NKAIN2: variants seen among roughly 807,000 people sequenced by gnomAD.
NKAIN2 encodes the protein sodium/potassium-transporting ATPase subunit beta-1-interacting protein 2.
A neutral mutation model predicts 32.6 loss-of-function variants in NKAIN2; 14 were observed. That is an observed-to-expected ratio of 0.43 (90% CI 0.28 to 0.67). NKAIN2 has a LOEUF of 0.67. NKAIN2 is among the 30% of genes least tolerant of loss of function. The probability of loss-of-function intolerance (pLI) is 0.17; values close to 1 mark genes in which losing one functional copy is unlikely to be tolerated. For missense variants in NKAIN2, 198 were observed against 258.3 expected, an observed-to-expected ratio of 0.77 and a Z score of 1.60; for synonymous variants, 80 against 87.2, an observed-to-expected ratio of 0.92 and a Z score of 0.46.
At chr6:124,207,884 T>G (rs1269531707) in intron 1 of NKAIN2, among the ~76,000 whole-genome samples, 1 of 152,094 alleles carries the variant, frequency 6.6e-6, no homozygotes, top group South Asian at 2.1e-4. Flanking sequence ...AATTAAATAT[T>G]AATTTTGCTA....
intron 3 of NKAIN2, among the ~76,000 whole-genome samples, chr6:124,380,581 G>A (rs562935884): frequency 6.6e-6 from 1 of 152,246 alleles, no homozygotes; most frequent in South Asian, 2.1e-4. Context: ...CAGGATCTTT[G>A]GATCATTGTA....
At chr6:124,356,387 C>G (rs190673776) in intron 3 of NKAIN2, among the ~76,000 whole-genome samples, 1 of 152,214 alleles carries the variant, frequency 6.6e-6, no homozygotes, top group African/African-American at 2.4e-5. Context: ...TGATATGTGG[C>G]TTTATATCAA....
chr6:124,538,883 G>C (rs1319174815), intron 3 of NKAIN2, among the ~76,000 whole-genome samples: 2 of 151,908 alleles, frequency 1.3e-5, no homozygotes, highest in Non-Finnish European at 2.9e-5. Flanking sequence ...ATATGTAATT[G>C]CATATGTTCA....
chr6:124,792,522 T>C (rs942338101), intron 5 of NKAIN2, among the ~76,000 whole-genome samples: 1 of 152,172 alleles, frequency 6.6e-6, no homozygotes, highest in Non-Finnish European at 1.5e-5. Context: ...TTGGAGATTT[T>C]AGGATGAGTC....
At chr6:123,828,850 TA>T (rs778731748) in intron 1 of NKAIN2, 8 of 152,330 alleles carry the variant, frequency 5.3e-5, no homozygotes, top group Non-Finnish European at 1.0e-4. Context: ...GGTTTCAGCT[TA>T]AAGGTCTTCT....
chr6:124,063,162 G>A (rs1782996370), intron 1 of NKAIN2, among the ~76,000 whole-genome samples: 1 of 151,728 alleles, frequency 6.6e-6, no homozygotes, highest in Non-Finnish European at 1.5e-5. Flanking sequence ...TCCAGCCTGG[G>A]CAACACAGTG....
chr6:124,285,343 A>C (rs1281003517), intron 2 of NKAIN2, among the ~76,000 whole-genome samples: 2 of 152,162 alleles, frequency 1.3e-5, no homozygotes, highest in South Asian at 4.1e-4. Flanking sequence ...CTGTGGCTAA[A>C]AGATAACAAA....
chr6:123,910,361 A>G (rs1402681167), intron 1 of NKAIN2, among the ~76,000 whole-genome samples: 1 of 152,174 alleles, frequency 6.6e-6, no homozygotes, highest in African/African-American at 2.4e-5. Flanking sequence ...TGTCTCTAAC[A>G]TGTTCTACAT....
intron 4 of NKAIN2, among the ~76,000 whole-genome samples, chr6:124,734,525 T>G (rs1475189564): frequency 6.6e-6 from 1 of 151,822 alleles, no homozygotes; most frequent in Non-Finnish European, 1.5e-5. Context: ...GTTGGTGAAT[T>G]CCACAATCTC....
At chr6:124,745,974 T>C (rs1166255445) in intron 4 of NKAIN2, among the ~76,000 whole-genome samples, 1 of 151,892 alleles carries the variant, frequency 6.6e-6, no homozygotes, top group Non-Finnish European at 1.5e-5. Context: ...CAGTTTCAGG[T>C]ATCAATGAGA....
At chr6:124,278,780 GAAT>G (rs1562467072) in intron 1 of NKAIN2, among the ~76,000 whole-genome samples, 1 of 149,634 alleles carries the variant, frequency 6.7e-6, no homozygotes, top group African/African-American at 2.5e-5. Context: ...TTAGCAACCA[GAAT>G]TGACCCAACA....
intron 2 of NKAIN2, among the ~76,000 whole-genome samples, chr6:124,311,473 TTATA>T (rs1248556309): frequency 6.6e-6 from 1 of 152,136 alleles, no homozygotes; most frequent in African/African-American, 2.4e-5. Context: ...CTGAAAATAT[TTATA>T]TATCCACTGC....
chr6:124,472,421 A>G (rs1777010778), intron 3 of NKAIN2, among the ~76,000 whole-genome samples: 1 of 152,130 alleles, frequency 6.6e-6, no homozygotes, highest in Non-Finnish European at 1.5e-5. Flanking sequence ...AATACGAACA[A>G]TTACAACACA....
chr6:124,338,220 C>T (rs993720424), intron 2 of NKAIN2, among the ~76,000 whole-genome samples: 5 of 151,928 alleles, frequency 3.3e-5, no homozygotes, highest in African/African-American at 1.2e-4. Context: ...TTTTCTGGGC[C>T]AAATACAGCA....
intron 1 of NKAIN2, among the ~76,000 whole-genome samples, chr6:123,885,346 G>T (rs1773664572): frequency 6.6e-6 from 1 of 151,958 alleles, no homozygotes; most frequent in Non-Finnish European, 1.5e-5. Context: ...CTACAGTTTT[G>T]ATCTTTATCT....
At chr6:124,428,868 A>G (rs1775089209) in intron 3 of NKAIN2, among the ~76,000 whole-genome samples, 1 of 152,092 alleles carries the variant, frequency 6.6e-6, no homozygotes, top group East Asian at 1.9e-4. Context: ...GGGTGTGTAT[A>G]AGAGGGGTAA....
intron 1 of NKAIN2, among the ~76,000 whole-genome samples, chr6:123,863,010 A>C (rs1261416486): frequency 6.6e-6 from 1 of 152,096 alleles, no homozygotes; most frequent in Non-Finnish European, 1.5e-5. Flanking sequence ...AAAGAGCTTT[A>C]TTTTCCTGTT....
intron 1 of NKAIN2, among the ~76,000 whole-genome samples, chr6:124,062,922 C>T (rs1187543114): frequency 1.3e-5 from 2 of 152,046 alleles, no homozygotes; most frequent in Admixed American, 6.6e-5. Flanking sequence ...AGGCTGGGCG[C>T]GGTGGCTCAC....
rs185470378 is a variant in NKAIN2, at chr6:124,088,706, T to C, written c.55-194299T>C. ...TCTATAGAAAGAAAACCATATTTGA[T>C]GTACTGATTGATTACACAAGATGTT... is the stretch of plus-strand genomic sequence containing the variant. On this transcript the variant is annotated intron_variant, in intron 1 of 6. Coordinates refer to ENST00000368417, the MANE Select transcript of NKAIN2 (RefSeq NM_001040214.3). 7.7e-4 allele frequency among the ~76,000 whole-genome samples: 117 copies of C among 152,148 alleles called. 6 individuals are homozygous for C. The highest frequency in any genetic ancestry group is 7.1e-3 in the Admixed American group (108 of 15,246).
Sources: gnomAD v4.1 joint callset for allele counts (sites outside exome capture counted in the v4.1 genomes callset) on GRCh38, gnomAD v4.1.1 for gene constraint, MANE v1.5 for transcripts, NCBI Gene and HGNC (gene_info 2026-07-23, HGNC 2026-07-21) for gene names.